IL22RA2: variants seen among roughly 807,000 people sequenced by gnomAD.
The protein encoded by IL22RA2 is interleukin 22 receptor subunit alpha 2.
In IL22RA2, 39 loss-of-function variants were observed where a neutral mutation model predicts 30.7. The observed-to-expected ratio is 1.27, with a 90% CI of 0.98 to 1.66. The LOEUF (loss-of-function observed/expected upper bound fraction) is 1.66. Among genes scored for constraint, IL22RA2 ranks in the 40% most tolerant of loss-of-function variants. The probability of loss-of-function intolerance (pLI) is 0.00; values close to 1 mark genes in which losing one functional copy is unlikely to be tolerated. For missense variants in IL22RA2, 315 were observed against 312.7 expected (o/e 1.01, Z -0.05); for synonymous variants, 103 against 105.0 (o/e 0.98, Z 0.11).
intron 5 of IL22RA2, among the ~76,000 whole-genome samples, chr6:137,152,697 G>C (rs1215590723): frequency 6.6e-6 from 1 of 152,206 alleles, no homozygotes; most frequent in Non-Finnish European, 1.5e-5. Context: ...TATGCTTAAA[G>C]TATAGGCTGT....
chr6:137,161,944 C>T, intron 1 of IL22RA2, 130 bp from the exon 2 acceptor site: 1 of 499,116 alleles, frequency 2.0e-6, no homozygotes, highest in Non-Finnish European at 3.6e-6. Flanking sequence ...ATAAAAATCA[C>T]TTCAAAAAAC....
chr6:137,160,690 C>T (rs1778503958), intron 2 of IL22RA2, among the ~76,000 whole-genome samples: 1 of 152,212 alleles, frequency 6.6e-6, no homozygotes, highest in South Asian at 2.1e-4. Context: ...TACTTAATTC[C>T]CACAGCCACC....
rs370541634 is a variant in IL22RA2, at chr6:137,157,696, T to C, written c.197+651A>G. On this transcript the variant is annotated intron_variant, in intron 3 of 6. Transcript: ENST00000296980. ...AACCCCCCTCACCCCCCCAGAAATATATGAGTGGAAAAACCTGACATTTTC... is the reference window on the plus strand; with the variant it reads ...AACCCCCCTCACCCCCCCAGAAATACATGAGTGGAAAAACCTGACATTTTC... Among the ~76,000 whole-genome samples, 139 of 130,012 alleles carry C rather than the reference T, an allele frequency of 1.1e-3. 3 individuals are homozygous for C. In the South Asian group the frequency reaches 0.024, roughly 23 times the overall value. The allele number at this position is 130,012 out of a possible 152,430, so 85.3% of individuals were successfully genotyped here. A position where few individuals can be genotyped will look rare whatever the true frequency, so the allele number is the denominator to read the frequency against.
At chr6:137,148,965 A>G (rs2114350946) in intron 5 of IL22RA2, among the ~76,000 whole-genome samples, 1 of 152,296 alleles carries the variant, frequency 6.6e-6, no homozygotes, top group South Asian at 2.1e-4. Context: ...CTGGATTGTG[A>G]TTGTGTTACA....
chr6:137,146,375 CGA>C (rs2114344173), intron 6 of IL22RA2, among the ~76,000 whole-genome samples: 1 of 152,176 alleles, frequency 6.6e-6, no homozygotes, highest in South Asian at 2.1e-4. Flanking sequence ...TGATGTGCAG[CGA>C]GATGAGCAGA....
At chr6:137,149,934 C>G (rs1018568231) in intron 5 of IL22RA2, among the ~76,000 whole-genome samples, 3 of 152,228 alleles carry the variant, frequency 2.0e-5, no homozygotes, top group Non-Finnish European at 2.9e-5. Flanking sequence ...CTACCTCGGC[C>G]TCCCAAAGTG....
At chr6:137,150,309 G>A (rs1272323959) in intron 5 of IL22RA2, among the ~76,000 whole-genome samples, 1 of 152,062 alleles carries the variant, frequency 6.6e-6, no homozygotes, top group African/African-American at 2.4e-5. Flanking sequence ...TGGTGGGAGA[G>A]CGCAAGCCTG....
rs202182316 is a variant in IL22RA2 at position 137,147,861 on chromosome 6, G to T, written c.503C>A (p.Thr168Asn). Residue 168 changes from threonine to asparagine, a missense_variant, in exon 6 of 7, where the codon ACC (threonine) becomes AAC (asparagine). By Grantham distance (65) the Thr-to-Asn change is moderately conservative. Coordinates refer to ENST00000296980, the MANE Select transcript of IL22RA2 (RefSeq NM_052962.3). The part of the protein sequence containing the change: ...TKIDPPVMNI[T>N]QVNGSLLVIL... ...TACCAACAAAGAGCCATTGACTTGG[G>T]TTATATTCATGACTGGAGGATCTAT... is the stretch of plus-strand genomic sequence containing the variant. 6.2e-7 allele frequency: 1 copy of T among 1,611,220 alleles called. No homozygotes were observed. Among genetic ancestry groups the T allele is most frequent in the East Asian group, 2.2e-5 (1 of 44,830 alleles).
rs537847415 is a variant in IL22RA2 at position 137,149,786 on chromosome 6, C to G, written c.473-1895G>C. ...CCTGCCTACCTTTCCAGTCCCATCT[C>G]ATTATGGACTCCTTCCTGCATGCTC... is the stretch of plus-strand genomic sequence containing the variant. On this transcript the variant is annotated intron_variant, in intron 5 of 6. Coordinates refer to ENST00000296980, the MANE Select transcript of IL22RA2 (RefSeq NM_052962.3). 2.0e-5 allele frequency among the ~76,000 whole-genome samples: 3 copies of G among 152,336 alleles called. No homozygotes were observed. The East Asian group carries it at 5.8e-4, about 29-fold the overall frequency.
At chr6:137,154,620 AACACAC>A (rs10682551) in intron 5 of IL22RA2, among the ~76,000 whole-genome samples, 3 of 148,514 alleles carry the variant, frequency 2.0e-5, no homozygotes, top group East Asian at 2.0e-4. Flanking sequence ...GTCACACACA[AACACAC>A]ACACACACAC....
chr6:137,157,712 T>G (rs1778437692), intron 3 of IL22RA2, among the ~76,000 whole-genome samples: 1 of 138,794 alleles, frequency 7.2e-6, no homozygotes, highest in African/African-American at 2.7e-5. Flanking sequence ...TGGAAAAACC[T>G]GACATTTTCA....
Position 137,144,047 on chromosome 6 carries a change from T to C in IL22RA2, c.*1577A>G, listed in dbSNP as rs962853635. On this transcript the variant is annotated 3_prime_UTR_variant, in exon 7 of 7. Coordinates refer to ENST00000296980, the MANE Select transcript of IL22RA2 (RefSeq NM_052962.3). Reference sequence around the variant, plus strand: ...TAAGTCAGGCTTCAGGACTACTGAATTGCATTCACTAAAATGCTATTTGAA... The same window carrying C: ...TAAGTCAGGCTTCAGGACTACTGAACTGCATTCACTAAAATGCTATTTGAA... 6.6e-6 allele frequency: 1 copy of C among 152,284 alleles called. No individual in the cohort carries two copies. The highest frequency in any genetic ancestry group is 1.9e-4 in the East Asian group (1 of 5,196). 9.4% of individuals were successfully genotyped at this position (152,284 alleles called of 1,614,324 possible).
Position 137,158,477 on chromosome 6 carries a change from G to A in IL22RA2, c.67C>T (p.Gln23Ter), listed in dbSNP as rs1375245482. The A allele has an allele frequency of 3.1e-6, 5 of 1,613,886 alleles. No individual in the cohort carries two copies. Among genetic ancestry groups the A allele is most frequent in the Non-Finnish European group, 4.2e-6 (5 of 1,179,968 alleles). Reference protein sequence around the residue: ...SFFLTGVAGTQSTHESLKPQR... With the variant: ...SFFLTGVAGT ...GGCTTCAGAGACTCATGCGTTGACT[G>A]AGTTCCTAAGATAATAAGAGAAGGA... Residue 23 changes from glutamine (Q) to a stop codon, truncating the protein, a stop_gained, in exon 3 of 7, where the codon CAG becomes TAG. Transcript: ENST00000296980. LOFTEE classifies it high-confidence loss of function.
At chr6:137,155,804 G>A (rs983296206) in intron 4 of IL22RA2, among the ~76,000 whole-genome samples, 1 of 152,124 alleles carries the variant, frequency 6.6e-6, no homozygotes, top group Non-Finnish European at 1.5e-5. Context: ...ACTAACATAA[G>A]GGTTTTAACC....
At chr6:137,154,786 T>C (rs1436062327) in intron 5 of IL22RA2, among the ~76,000 whole-genome samples, 155 bp downstream of exon 5, 1 of 152,094 alleles carries the variant, frequency 6.6e-6, no homozygotes, top group East Asian at 1.9e-4. Flanking sequence ...ATTAGGATAA[T>C]AAAAGCTATC....
Position 137,158,391 on chromosome 6 carries a change from C to T in IL22RA2, c.153G>A (p.Arg51=). Residue 51 remains arginine (R), a synonymous_variant, in exon 3 of 7, where the codon AGG becomes AGA. Transcript: ENST00000296980. The part of the protein sequence containing the change: ...FHNILQWQPG[R]ALTGNSSVYF... ...AGACACTGCTGTTGCCAGTAAGTGC[C>T]CTCCCAGGCTGCCATTGCAAAATGT... 6 of 1,614,128 alleles carry T rather than the reference C, an allele frequency of 3.7e-6. No homozygotes were observed. The highest frequency in any genetic ancestry group is 5.1e-6 in the Non-Finnish European group (6 of 1,180,002).
At chr6:137,162,581 G>C (rs144046561) in intron 1 of IL22RA2, among the ~76,000 whole-genome samples, 195 of 152,194 alleles carry the variant, frequency 1.3e-3, no homozygotes, top group African/African-American at 3.9e-3. Context: ...GATTGAAGCA[G>C]GTCATCTGTT....
intron 5 of IL22RA2, among the ~76,000 whole-genome samples, chr6:137,151,560 T>C (rs1167244879): frequency 6.6e-6 from 1 of 152,170 alleles, no homozygotes; most frequent in Non-Finnish European, 1.5e-5. Context: ...AAATTGGATT[T>C]CATCCAAGTT....
At chr6:137,164,784 T>G (rs1408875280) in intron 1 of IL22RA2, among the ~76,000 whole-genome samples, 1 of 152,202 alleles carries the variant, frequency 6.6e-6, no homozygotes, top group Non-Finnish European at 1.5e-5. Context: ...ACAAATTTAT[T>G]TGAATGCACA....
Sources: allele counts gnomAD v4.1 joint callset (sites outside exome capture counted in the v4.1 genomes callset), GRCh38; gene constraint gnomAD v4.1.1; transcripts MANE v1.5; gene names NCBI Gene and HGNC (gene_info 2026-07-23, HGNC 2026-07-21).